CNNM2: variants seen among roughly 807,000 people sequenced by gnomAD.
CNNM2 encodes cyclin and CBS domain divalent metal cation transport mediator 2.
In CNNM2, 12 loss-of-function variants were observed where a neutral mutation model predicts 66.9. That is an observed-to-expected ratio of 0.18 (90% CI 0.11 to 0.29). The LOEUF (loss-of-function observed/expected upper bound fraction) is 0.29. Among genes scored for constraint, CNNM2 ranks in the 10% least tolerant of loss-of-function variants. The pLI is 1.00. For synonymous variants in CNNM2, 557 were observed against 501.8 expected (o/e 1.11, Z -1.47); for missense variants, 705 against 1,167.7 (o/e 0.60, Z 5.77).
intron 6 of CNNM2, among the ~76,000 whole-genome samples, chr10:103,074,711 A>G (rs1425188859): frequency 1.3e-5 from 2 of 152,072 alleles, no homozygotes; most frequent in Non-Finnish European, 2.9e-5. Flanking sequence ...GCACATGCCT[A>G]TAGTCCCAGC....
Position 102,919,610 on chromosome 10 carries a change from T to C in CNNM2, c.1130T>C (p.Phe377Ser). The C allele has an allele frequency of 6.2e-7, 1 of 1,613,882 alleles. No homozygotes were observed. ...CTGGCTGTGGGGGCCAACACCATCTTCCTCACCAAGTTTTTCATGATGATG... is the reference window on the plus strand; with the variant it reads ...CTGGCTGTGGGGGCCAACACCATCTCCCTCACCAAGTTTTTCATGATGATG... ...HGLAVGANTI[F>S]LTKFFMMMTF... Residue 377 changes from phenylalanine to serine, a missense_variant, in exon 1 of 8, where the codon TTC becomes TCC. This residue lies in a region of CNNM2 where 27 missense variants were observed against 40.7 expected (regional missense o/e 0.66). Transcript: ENST00000369878.
intron 4 of CNNM2, among the ~76,000 whole-genome samples, chr10:103,057,775 A>T (rs1036869672): frequency 1.3e-5 from 2 of 152,206 alleles, no homozygotes; most frequent in African/African-American, 4.8e-5. Context: ...TGTTTTATAG[A>T]GGAACTGATA....
Position 103,049,756 on chromosome 10 carries a change from G to C in CNNM2, c.1671G>C (p.Gly557=), listed in dbSNP as rs1158262225. 1 of 1,613,556 alleles carries C rather than the reference G, an allele frequency of 6.2e-7. No homozygotes were observed. Among genetic ancestry groups the C allele is most frequent in the Non-Finnish European group, 8.5e-7 (1 of 1,179,552 alleles). ...AGCGGGTAAACAATGAGGGAGAAGG[G>C]GATCCATTTTATGAAGTTCTGGGAA... is the stretch of plus-strand genomic sequence containing the variant. ...IVQRVNNEGE[G]DPFYEVLGIV... Residue 557 remains glycine, a synonymous_variant, in exon 2 of 8, where the codon GGG becomes GGC. Transcript: ENST00000369878.
chr10:103,016,518 A>C (rs1590399847), intron 1 of CNNM2, among the ~76,000 whole-genome samples: 1 of 152,098 alleles, frequency 6.6e-6, no homozygotes, highest in Non-Finnish European at 1.5e-5. Flanking sequence ...CAAGCCTTAC[A>C]TCTACCCCCC....
Position 103,083,189 on chromosome 10 carries a change from G to A in CNNM2, c.*6009G>A, listed in dbSNP as rs1484811678. 3.9e-5 allele frequency: 6 copies of A among 152,178 alleles called. No homozygotes were observed. The highest frequency in any genetic ancestry group is 1.2e-4 in the African/African-American group (5 of 41,426). 9.4% of individuals were successfully genotyped at this position (152,178 alleles called of 1,614,324 possible). ...TTCTGAACACAGTATTCAGAGCTGTGTACATAAACCTAAATAAGCACAAAT... is the reference window on the plus strand; with the variant it reads ...TTCTGAACACAGTATTCAGAGCTGTATACATAAACCTAAATAAGCACAAAT... On this transcript the variant is annotated 3_prime_UTR_variant, in exon 8 of 8. Coordinates refer to ENST00000369878, the MANE Select transcript of CNNM2 (RefSeq NM_017649.5).
intron 1 of CNNM2, among the ~76,000 whole-genome samples, chr10:102,996,234 T>TA (rs1437500103): frequency 6.6e-6 from 1 of 150,982 alleles, no homozygotes; most frequent in African/African-American, 2.4e-5. Context: ...TTGGTTTCAT[T>TA]TTTTTTTTTC....
chr10:103,007,704 A>G (rs1453767887), intron 1 of CNNM2, among the ~76,000 whole-genome samples: 1 of 152,182 alleles, frequency 6.6e-6, no homozygotes, highest in African/African-American at 2.4e-5. Context: ...TTGTTCCCTG[A>G]AAATCACTGT....
intron 1 of CNNM2, among the ~76,000 whole-genome samples, chr10:102,945,175 T>A (rs1846570732): frequency 6.6e-6 from 1 of 152,154 alleles, no homozygotes; most frequent in African/African-American, 2.4e-5. Context: ...CATCCTTGTC[T>A]ATAGTAACCT....
chr10:102,923,614 T>C (rs1845737832), intron 1 of CNNM2, among the ~76,000 whole-genome samples: 1 of 152,208 alleles, frequency 6.6e-6, no homozygotes, highest in Non-Finnish European at 1.5e-5. Context: ...AGAAAAGAAA[T>C]GTGTTTAAAC....
chr10:103,038,557 C>A (rs998435337), intron 1 of CNNM2, among the ~76,000 whole-genome samples: 6 of 152,156 alleles, frequency 3.9e-5, no homozygotes, highest in Non-Finnish European at 8.8e-5. Context: ...GGGTCCTGTC[C>A]AGGAGAGGGC....
At chr10:103,033,009 T>G (rs1297994317) in intron 1 of CNNM2, among the ~76,000 whole-genome samples, 1 of 151,382 alleles carries the variant, frequency 6.6e-6, no homozygotes, top group Non-Finnish European at 1.5e-5. Context: ...TCCCAGCTAC[T>G]TATGAGGCTG....
At chr10:102,959,118 A>G (rs1326974215) in intron 1 of CNNM2, among the ~76,000 whole-genome samples, 1 of 151,856 alleles carries the variant, frequency 6.6e-6, no homozygotes, top group African/African-American at 2.4e-5. Flanking sequence ...TATTTTTTGT[A>G]GAGATGAGGT....
intron 1 of CNNM2, among the ~76,000 whole-genome samples, chr10:102,994,857 T>A (rs891922874): frequency 3.9e-5 from 6 of 152,226 alleles, no homozygotes; most frequent in African/African-American, 1.4e-4. Context: ...AAATCCATGT[T>A]AGTGCATATG....
chr10:103,011,345 C>T (rs2064339025), intron 1 of CNNM2, among the ~76,000 whole-genome samples: 1 of 152,008 alleles, frequency 6.6e-6, no homozygotes, highest in African/African-American at 2.4e-5. Context: ...CCCAGCTACT[C>T]AGGAGGCTGA....
intron 4 of CNNM2, among the ~76,000 whole-genome samples, chr10:103,064,242 T>G (rs1012686303): frequency 5.9e-5 from 9 of 152,236 alleles, no homozygotes; most frequent in African/African-American, 2.2e-4. Context: ...TGAGGCAGAA[T>G]GAGAAAATAA....
intron 1 of CNNM2, among the ~76,000 whole-genome samples, chr10:103,020,486 C>T (rs1052816902): frequency 6.6e-6 from 1 of 152,054 alleles, no homozygotes; most frequent in Non-Finnish European, 1.5e-5. Flanking sequence ...TTAATTAATC[C>T]ATTCAACCAA....
At chr10:103,045,773 A>C (rs1227506075) in intron 1 of CNNM2, among the ~76,000 whole-genome samples, 2 of 152,164 alleles carry the variant, frequency 1.3e-5, no homozygotes, top group Admixed American at 1.3e-4. Context: ...TTACTATTTT[A>C]AAAGATCTTT....
intron 1 of CNNM2, among the ~76,000 whole-genome samples, chr10:103,019,621 A>C (rs1459940625): frequency 6.6e-6 from 1 of 152,198 alleles, no homozygotes; most frequent in Non-Finnish European, 1.5e-5. Flanking sequence ...CTCACCATGT[A>C]GCATTCTGTG....
intron 1 of CNNM2, among the ~76,000 whole-genome samples, chr10:102,928,153 T>C (rs1173777961): frequency 6.6e-6 from 1 of 152,244 alleles, no homozygotes; most frequent in Non-Finnish European, 1.5e-5. Flanking sequence ...CTAATAAATA[T>C]ATAAATGTTT....
Sources: gnomAD v4.1 joint callset for allele counts (sites outside exome capture counted in the v4.1 genomes callset) on GRCh38, gnomAD v4.1.1 for gene constraint, gnomAD v4.1.1 regional missense constraint, MANE v1.5 for transcripts, NCBI Gene and HGNC (gene_info 2026-07-23, HGNC 2026-07-21) for gene names.